GALNT13: variants seen among roughly 807,000 people sequenced by gnomAD.
GALNT13 encodes polypeptide N-acetylgalactosaminyltransferase 13.
In GALNT13, 28 loss-of-function variants were observed where a neutral mutation model predicts 64.2. That is an observed-to-expected ratio of 0.44 (90% CI 0.32 to 0.60). GALNT13 has a LOEUF of 0.60. Ranked by LOEUF, GALNT13 falls within the 20% of genes least tolerant of loss-of-function variation. The pLI is 0.05. For synonymous variants in GALNT13, 214 were observed against 224.6 expected (o/e 0.95, Z 0.42); for missense variants, 577 against 669.8 (o/e 0.86, Z 1.53).
At chr2:153,307,231 G>A in the GALNT13 span, among the ~76,000 whole-genome samples, 3 of 152,116 alleles carry the variant, frequency 2.0e-5, no homozygotes, top group Admixed American at 6.5e-5. Context: ...TCATCACAGA[G>A]GTCTTTAAAG....
chr2:154,043,235 G>C (rs1209211900), intron 3 of GALNT13, among the ~76,000 whole-genome samples: 1 of 151,644 alleles, frequency 6.6e-6, no homozygotes, highest in Non-Finnish European at 1.5e-5. Flanking sequence ...TCACTGTGCT[G>C]GTCCATATTA....
chr2:153,107,058 A>C, the GALNT13 span, among the ~76,000 whole-genome samples: 3 of 152,138 alleles, frequency 2.0e-5, no homozygotes, highest in Non-Finnish European at 2.9e-5. Flanking sequence ...TTACATTTAA[A>C]AGTGCTCTTT....
chr2:153,642,683 A>G, the GALNT13 span, among the ~76,000 whole-genome samples: 1 of 151,940 alleles, frequency 6.6e-6, no homozygotes, highest in Non-Finnish European at 1.5e-5. Flanking sequence ...CAATTTATTG[A>G]TAGAGCAAAA....
chr2:153,426,351 C>T, the GALNT13 span, among the ~76,000 whole-genome samples: 1 of 151,772 alleles, frequency 6.6e-6, no homozygotes, highest in Non-Finnish European at 1.5e-5. Context: ...CTAATTTGCA[C>T]ATATTTTTAT....
At chr2:154,063,281 G>A (rs1700289282) in intron 3 of GALNT13, among the ~76,000 whole-genome samples, 2 of 152,120 alleles carry the variant, frequency 1.3e-5, no homozygotes, top group Non-Finnish European at 2.9e-5. Flanking sequence ...CCAAACAAAT[G>A]CTGACCCATG....
At chr2:153,748,220 GT>G in the GALNT13 span, among the ~76,000 whole-genome samples, 1 of 152,026 alleles carries the variant, frequency 6.6e-6, no homozygotes. Flanking sequence ...CAAAGAAATA[GT>G]TTTAGTTCTT....
At chr2:153,457,097 G>C in the GALNT13 span, among the ~76,000 whole-genome samples, 4 of 152,186 alleles carry the variant, frequency 2.6e-5, no homozygotes. Context: ...CTTTGACACA[G>C]AGTAGTCGGG....
chr2:154,109,622 G>T lies in GALNT13; in HGVS notation c.143-30715G>T, dbSNP rs972638980. Among the ~76,000 whole-genome samples, 7 of 151,932 alleles carry T rather than the reference G, an allele frequency of 4.6e-5. 1 individual carries two copies. The highest frequency in any genetic ancestry group is 1.3e-4 in the Admixed American group (2 of 15,224). ...GTTAGCTGTCAGCTTCTTACATATG[G>T]GCTTCACTGTTGTGTTGAAATGCAT... On this transcript the variant is annotated intron_variant, in intron 3 of 12. Coordinates refer to ENST00000392825, the MANE Select transcript of GALNT13 (RefSeq NM_052917.4).
intron 3 of GALNT13, among the ~76,000 whole-genome samples, chr2:154,135,704 G>A (rs1682910602): frequency 6.6e-6 from 1 of 152,108 alleles, no homozygotes; most frequent in Admixed American, 6.5e-5. Flanking sequence ...GTGGGTTCTT[G>A]TAGTGTCAGC....
intron 2 of GALNT13, among the ~76,000 whole-genome samples, chr2:153,921,780 A>G (rs1574120382): frequency 2.0e-5 from 3 of 152,272 alleles, no homozygotes; most frequent in South Asian, 2.1e-4. Flanking sequence ...AGATGGCAGA[A>G]ACAATTGACA....
At chr2:153,561,560 G>A in the GALNT13 span, among the ~76,000 whole-genome samples, 1 of 152,014 alleles carries the variant, frequency 6.6e-6, no homozygotes, top group Non-Finnish European at 1.5e-5. Context: ...CACTTGTGGT[G>A]TCACATTGGT....
the GALNT13 span, among the ~76,000 whole-genome samples, chr2:153,350,005 C>G: frequency 6.6e-6 from 1 of 152,166 alleles, no homozygotes; most frequent in African/African-American, 2.4e-5. Flanking sequence ...GCCGAACCTC[C>G]TTTCTGTACT....
chr2:154,234,055 G>A lies in GALNT13; in HGVS notation c.312-7975G>A, dbSNP rs1342689883. Among the ~76,000 whole-genome samples, 6 of 152,108 alleles carry A rather than the reference G, an allele frequency of 3.9e-5. No homozygotes were observed. The East Asian group carries it at 9.7e-4, about 25-fold the overall frequency. On this transcript the variant is annotated intron_variant, in intron 4 of 12. Transcript: ENST00000392825. ...AGAGGCAGGACCCTTACTCCATACT[G>A]CTACATTGGACAAACAGGTAAAGCT...
intron 3 of GALNT13, among the ~76,000 whole-genome samples, chr2:154,081,031 C>G (rs533306693): frequency 6.6e-6 from 1 of 151,602 alleles, no homozygotes; most frequent in Admixed American, 6.6e-5. Flanking sequence ...GGTTGCTGTG[C>G]ATCCAAGATT....
the GALNT13 span, among the ~76,000 whole-genome samples, chr2:153,127,690 A>G: frequency 7.2e-5 from 11 of 152,166 alleles, no homozygotes; most frequent in African/African-American, 2.6e-4. Flanking sequence ...TTTGTGGACT[A>G]TTTTTGCATC....
intron 9 of GALNT13, among the ~76,000 whole-genome samples, chr2:154,354,405 C>CTTTTTTTTTTTTTTTTTT (rs546187850): frequency 1.7e-5 from 1 of 60,358 alleles, no homozygotes; most frequent in African/African-American, 6.9e-5. Flanking sequence ...TGATGTAGTC[C>CTTTTTTTTTTTTTTTTTT]TTTTTTTTTT....
At position 154,336,560 on chromosome 2, in the gene GALNT13, A is replaced by T. The variant is rs969409826; in HGVS notation, c.1156+34971A>T. ...AGCATTTTATTTAAAGTATGGTTAT[A>T]TTTAAATAATCCTTTTATAATTTAA... On this transcript the variant is annotated intron_variant, in intron 9 of 12. Coordinates refer to ENST00000392825, the MANE Select transcript of GALNT13 (RefSeq NM_052917.4). 4.6e-5 allele frequency among the ~76,000 whole-genome samples: 7 copies of T among 152,250 alleles called. No individual in the cohort carries two copies. In the East Asian group the frequency reaches 1.2e-3, roughly 25 times the overall value.
intron 11 of GALNT13, among the ~76,000 whole-genome samples, chr2:154,435,594 CAGGTATT>C (rs770021469): frequency 3.9e-4 from 59 of 152,244 alleles, no homozygotes; most frequent in Non-Finnish European, 5.6e-4. Context: ...CATCTGTCAT[CAGGTATT>C]ATAAACTCTC....
chr2:153,146,098 C>T, the GALNT13 span, among the ~76,000 whole-genome samples: 1 of 151,740 alleles, frequency 6.6e-6, no homozygotes. Context: ...CCATCAGGAC[C>T]TATGTCCATT....
Sources: allele counts gnomAD v4.1 joint callset (sites outside exome capture counted in the v4.1 genomes callset), GRCh38; gene constraint gnomAD v4.1.1; transcripts MANE v1.5; gene names NCBI Gene and HGNC (gene_info 2026-07-23, HGNC 2026-07-21).